Variants in KMT5A observed in about 807,000 individuals in gnomAD.
KMT5A encodes the protein N-lysine methyltransferase KMT5A.
KMT5A carries 6 observed loss-of-function variants against 40.6 expected under a neutral mutation model. That is an observed-to-expected ratio of 0.15 (90% CI 0.08 to 0.29). The LOEUF (loss-of-function observed/expected upper bound fraction) is 0.29. KMT5A is among the 10% of genes least tolerant of loss of function. The pLI is 1.00. For synonymous variants in KMT5A, 153 were observed against 178.8 expected, an observed-to-expected ratio of 0.86 and a Z score of 1.15; for missense variants, 308 against 459.1, an observed-to-expected ratio of 0.67 and a Z score of 3.01.
chr12:123,401,027 T>C (rs1355410500), intron 5 of KMT5A, among the ~76,000 whole-genome samples: 1 of 151,548 alleles, frequency 6.6e-6, no homozygotes, highest in Admixed American at 6.6e-5. Context: ...ACTCCTGACC[T>C]CAGGTGATCC....
intron 1 of KMT5A, chr12:123,388,454 G>A (rs1054987498): frequency 6.6e-6 from 1 of 152,252 alleles, no homozygotes; most frequent in Non-Finnish European, 1.5e-5. Flanking sequence ...CTTCCTACCG[G>A]TCAAGTACAG....
At position 123,403,614 on chromosome 12, in the gene KMT5A, G is replaced by A. The variant is rs1878337369; in HGVS notation, c.639G>A (p.Gly213=). 2 of 1,614,232 alleles carry A rather than the reference G, an allele frequency of 1.2e-6. No homozygotes were observed. Among genetic ancestry groups the A allele is most frequent in the Non-Finnish European group, 1.7e-6 (2 of 1,180,026 alleles). Residue 213 remains glycine, a synonymous_variant, in exon 6 of 8, where the codon GGG becomes GGA. Coordinates refer to ENST00000402868, the MANE Select transcript of KMT5A (RefSeq NM_020382.7). ...RKRIDELIES[G]KEEGMKIDLI... is the part of the protein sequence containing the mutation. Reference sequence around the variant, plus strand: ...GAATAGATGAATTGATTGAAAGTGGGAAGGAAGAAGGAATGAAGGTAAGGG... The same window carrying A: ...GAATAGATGAATTGATTGAAAGTGGAAAGGAAGAAGGAATGAAGGTAAGGG...
rs200972076 is a variant in KMT5A, at chr12:123,396,305, A to T, written c.510-40A>T. 3.1e-4 allele frequency: 500 copies of T among 1,600,332 alleles called. 1 individual carries two copies. The African/African-American group carries it at 5.8e-3, about 19-fold the overall frequency. On this transcript the variant is annotated intron_variant, in intron 4 of 7. Coordinates refer to ENST00000402868, the MANE Select transcript of KMT5A (RefSeq NM_020382.7). ...AGGAGCTGTGTGCCTCCAGGTTTTC[A>T]GTCCTGATATTTATTTTCTCCTCTT...
chr12:123,403,191 C>G lies in KMT5A; in HGVS notation c.598-382C>G, dbSNP rs61955121. On this transcript the variant is annotated intron_variant, in intron 5 of 7. Coordinates refer to ENST00000402868, the MANE Select transcript of KMT5A (RefSeq NM_020382.7). ...GTGTTGCGATTACAGGCGTGAGCCA[C>G]CGCGCCTGGCCCACTGTACCTGATT... 3.9e-3 allele frequency among the ~76,000 whole-genome samples: 592 copies of G among 152,410 alleles called. 4 individuals carry two copies. Among genetic ancestry groups the G allele is most frequent in the Admixed American group, 4.3e-3 (66 of 15,314 alleles).
chr12:123,394,573 C>T (rs994797892), intron 3 of KMT5A, among the ~76,000 whole-genome samples: 1 of 152,158 alleles, frequency 6.6e-6, no homozygotes, highest in African/African-American at 2.4e-5. Context: ...GGGGCTTCAA[C>T]CCCACTAGAA....
intron 7 of KMT5A, among the ~76,000 whole-genome samples, chr12:123,405,968 T>TGCCA (rs200217028): frequency 0.016 from 2,465 of 152,140 alleles, 44 homozygotes; most frequent in Middle Eastern, 0.034. Context: ...TACACACACA[T>TGCCA]GCCACCATGC....
At chr12:123,390,838 G>A in intron 3 of KMT5A, 52 bp downstream of exon 3, 2 of 1,591,084 alleles carry the variant, frequency 1.3e-6, no homozygotes, top group Non-Finnish European at 1.7e-6. Flanking sequence ...GGTTGCAGAA[G>A]CCTCTGTCCT....
intron 4 of KMT5A, among the ~76,000 whole-genome samples, chr12:123,395,530 T>TA (rs1268053253): frequency 2.0e-4 from 30 of 151,244 alleles, no homozygotes; most frequent in Admixed American, 2.0e-3. Context: ...TAAATTTATT[T>TA]TTTTTGTTTG....
intron 3 of KMT5A, among the ~76,000 whole-genome samples, chr12:123,392,256 G>C (rs1442463822): frequency 1.3e-5 from 2 of 152,184 alleles, no homozygotes; most frequent in African/African-American, 4.8e-5. Flanking sequence ...TAGTTGCCCG[G>C]ACTCTAGTCC....
Position 123,404,976 on chromosome 12 carries a change from C to T in KMT5A, c.750C>T (p.Ile250=), listed in dbSNP as rs200501247. ...DFVVEYHGDL[I]EITDAKKREA... ...TGGTGGAATACCACGGGGACCTCAT[C>T]GAGATCACCGACGCCAAGAAACGGG... The change falls in exon 7 of 8, where the codon ATC becomes ATT. Residue 250 remains isoleucine (I), a synonymous_variant. Transcript: ENST00000402868. 61 of 1,614,010 alleles carry T rather than the reference C, an allele frequency of 3.8e-5. No homozygotes were observed. The Admixed American group carries it at 4.7e-4, about 12-fold the overall frequency.
chr12:123,384,891 C>T lies in KMT5A; in HGVS notation c.10+683C>T, dbSNP rs1876782442. On this transcript the variant is annotated intron_variant, in intron 1 of 7. Transcript: ENST00000402868. This position sits in a 1 kb window ranked among gnomAD's most constrained non-coding sequence, Gnocchi z 5.7. ...GGGAGGCGATGCCCTGTCTGAAGTC[C>T]TCTGCATACTTAGTTGGCTGTCAGG... Among the ~76,000 whole-genome samples, 1 of 152,208 alleles carries T rather than the reference C, an allele frequency of 6.6e-6. No homozygotes were observed. Among genetic ancestry groups the T allele is most frequent in the Admixed American group, 6.5e-5 (1 of 15,282 alleles).
At chr12:123,401,144 C>CTTTTTTTTTTT (rs58431238) in intron 5 of KMT5A, among the ~76,000 whole-genome samples, 4 of 75,676 alleles carry the variant, frequency 5.3e-5, no homozygotes, top group Non-Finnish European at 6.9e-5. Context: ...ATATATCTTT[C>CTTTTTTTTTTT]TTTTTTTTTT....
intron 6 of KMT5A, 116 bp downstream of exon 6, chr12:123,403,748 C>A: frequency 9.1e-7 from 1 of 1,099,866 alleles, no homozygotes; most frequent in South Asian, 1.3e-5. Flanking sequence ...GCCATGGTGA[C>A]CAGGCAGACT....
At chr12:123,393,604 A>G (rs1877471102) in intron 3 of KMT5A, among the ~76,000 whole-genome samples, 1 of 151,970 alleles carries the variant, frequency 6.6e-6, no homozygotes, top group Admixed American at 6.6e-5. Context: ...CAATGGTGCA[A>G]TCTTGGCTCA....
Position 123,395,043 on chromosome 12 carries a change from G to A in KMT5A, c.290-4G>A, listed in dbSNP as rs1877589566. The A allele has an allele frequency of 6.4e-7, 1 of 1,560,876 alleles. No homozygotes were observed. Among genetic ancestry groups the A allele is most frequent in the Non-Finnish European group, 8.7e-7 (1 of 1,152,442 alleles). On this transcript the variant is annotated splice_region_variant and splice_polypyrimidine_tract_variant and intron_variant, in intron 3 of 7. Coordinates refer to ENST00000402868, the MANE Select transcript of KMT5A (RefSeq NM_020382.7). Reference sequence around the variant, plus strand: ...ACCCGTCTTTCCCCCACCTCCGCCTGCAGAGAAAAGAAATGCTGGGAACGC... The same window carrying A: ...ACCCGTCTTTCCCCCACCTCCGCCTACAGAGAAAAGAAATGCTGGGAACGC...
At chr12:123,400,035 C>G (rs1246265042) in intron 5 of KMT5A, among the ~76,000 whole-genome samples, 1 of 152,078 alleles carries the variant, frequency 6.6e-6, no homozygotes, top group Non-Finnish European at 1.5e-5. Context: ...GTTGGCCAGG[C>G]TGGTCTCAAA....
chr12:123,389,252 A>T (rs1410536115), intron 1 of KMT5A, 181 bp from the exon 2 acceptor site: 26 of 141,890 alleles, frequency 1.8e-4, no homozygotes, highest in Non-Finnish European at 3.3e-4. Flanking sequence ...GGGCGGCGGG[A>T]GGGCGACGCG....
intron 2 of KMT5A, 84 bp downstream of exon 2, chr12:123,389,638 CGGGGCGCCCGGCCGGGCCGCTT>C: frequency 1.0e-6 from 1 of 962,326 alleles, no homozygotes; most frequent in Non-Finnish European, 1.2e-6. Context: ...GGTACCCGCC[CGGGGCGCCCGGCCGGGCCGCTT>C]CCTTTGCTGC....
At position 123,395,150 on chromosome 12, in the gene KMT5A, A is replaced by C. The variant is rs942852174; in HGVS notation, c.393A>C (p.Lys131Asn). 6.2e-7 allele frequency: 1 copy of C among 1,611,098 alleles called. No individual in the cohort carries two copies. Among genetic ancestry groups the C allele is most frequent in the African/African-American group, 1.3e-5 (1 of 74,978 alleles). The change falls in exon 4 of 8, where the codon AAA becomes AAC. Residue 131 changes from lysine (K) to asparagine (N), a missense_variant. Around this residue, in one of 4 missense-constraint regions of KMT5A, gnomAD observed 127 missense variants for 129.8 expected, o/e 0.98. Coordinates refer to ENST00000402868, the MANE Select transcript of KMT5A (RefSeq NM_020382.7). ...CCCTGGTACCTTTTCCAAACCAAAA[A>C]TCTGAAGCAGCAGAACCTCCAAAAA... ...KGPLVPFPNQKSEAAEPPKTP... is the reference protein window; with the variant it reads ...KGPLVPFPNQNSEAAEPPKTP...
Sources: gnomAD v4.1 joint callset for allele counts (sites outside exome capture counted in the v4.1 genomes callset) on GRCh38, gnomAD v4.1.1 for gene constraint, gnomAD v4.1.1 regional missense constraint, Gnocchi (gnomAD v3.1) non-coding constraint, MANE v1.5 for transcripts, NCBI Gene and HGNC (gene_info 2026-07-23, HGNC 2026-07-21) for gene names.